The following NDE1 variants were observed in gnomAD, a reference collection of about 807,000 sequenced individuals.
The protein encoded by NDE1 is nudE neurodevelopment protein 1.
NDE1 carries 28 observed loss-of-function variants against 43.4 expected under a neutral mutation model. That is an observed-to-expected ratio of 0.65 (90% CI 0.48 to 0.89). The LOEUF is 0.89. Among genes scored for constraint, NDE1 ranks in the 40% least tolerant of loss-of-function variants. NDE1 has a pLI of 0.00. For missense variants in NDE1, 441 were observed against 434.1 expected, an observed-to-expected ratio of 1.02 and a Z score of -0.14; for synonymous variants, 184 against 172.0, an observed-to-expected ratio of 1.07 and a Z score of -0.55.
At chr16:15,722,423 C>A (rs2040536242) in intron 8 of NDE1, among the ~76,000 whole-genome samples, 1 of 152,126 alleles carries the variant, frequency 6.6e-6, no homozygotes, top group African/African-American at 2.4e-5. Flanking sequence ...GAGAACAGAG[C>A]AGATTATAAA....
At chr16:15,675,577 C>A (rs1172291467) in intron 3 of NDE1, among the ~76,000 whole-genome samples, 2 of 151,984 alleles carry the variant, frequency 1.3e-5, no homozygotes, top group African/African-American at 4.8e-5. Context: ...GCTAGGACTA[C>A]AGGTGCATGC....
At chr16:15,658,472 C>T (rs562536831) in intron 1 of NDE1, among the ~76,000 whole-genome samples, 13 of 152,168 alleles carry the variant, frequency 8.5e-5, no homozygotes, top group South Asian at 4.2e-4. Flanking sequence ...TCACTAAGGT[C>T]GTGAATAGGC....
At position 15,677,877 on chromosome 16, in the gene NDE1, C is replaced by A; in HGVS notation, c.314C>A (p.Ala105Asp). ...ALEDDLAQTKAIKDQLQKYIR... is the reference protein window; with the variant it reads ...ALEDDLAQTKDIKDQLQKYIR... ...GAGGATGACCTCGCGCAGACCAAAG[C>A]CATTAAAGACCAATTGCAGAAATAC... is the stretch of plus-strand genomic sequence containing the variant. Residue 105 changes from alanine to aspartate, a missense_variant, in exon 4 of 9, where the codon GCC (alanine) becomes GAC (aspartate). By Grantham distance (126) the Ala-to-Asp change is moderately radical. Coordinates refer to ENST00000396354, the MANE Select transcript of NDE1 (RefSeq NM_017668.3). The A allele has an allele frequency of 6.2e-7, 1 of 1,614,050 alleles. No homozygotes were observed. The highest frequency in any genetic ancestry group is 8.5e-7 in the Non-Finnish European group (1 of 1,180,010).
rs557243865 is a variant in NDE1 at position 15,702,391 on chromosome 16, G to GGGTGGT, written c.947+5542_947+5547dup. Among the ~76,000 whole-genome samples the GGGTGGT allele has an allele frequency of 6.0e-3, 911 of 152,238 alleles. 8 individuals are homozygous for GGGTGGT. The highest frequency in any genetic ancestry group is 0.021 in the African/African-American group (878 of 41,544). ...AGGCTAAAATACTATCTGGCTGGGT[G>GGGTGGT]GGTGGTGGTGGTGGTGTGAGAGACA... On this transcript the variant is annotated intron_variant, in intron 8 of 8. Coordinates refer to ENST00000396354, the MANE Select transcript of NDE1 (RefSeq NM_017668.3).
At chr16:15,718,498 C>T (rs1298688576) in intron 8 of NDE1, 17 of 1,533,430 alleles carry the variant, frequency 1.1e-5, no homozygotes, top group Non-Finnish European at 1.5e-5. Context: ...AAGATGCCCC[C>T]TCCTTGGAGT....
At chr16:15,664,684 G>A in intron 1 of NDE1, 52 bp from the exon 2 acceptor site, 3 of 990,238 alleles carry the variant, frequency 3.0e-6, no homozygotes, top group Non-Finnish European at 4.8e-6. Flanking sequence ...TGTTAAAGGG[G>A]ATCAGCTGTT....
At chr16:15,713,617 T>G (rs1214691457) in intron 8 of NDE1, 1 of 152,280 alleles carries the variant, frequency 6.6e-6, no homozygotes, top group African/African-American at 2.4e-5. Context: ...CACCTCAGCC[T>G]CCTGAGTAGC....
At chr16:15,643,686 G>GA (rs1423350271) in exon 1 of NDE1, 3 of 226,896 alleles carry the variant, frequency 1.3e-5, no homozygotes, top group Non-Finnish European at 2.6e-5. Context: ...GGCAAGTGGA[G>GA]AAAAAAATAA....
chr16:15,699,124 T>G (rs760853086), intron 8 of NDE1, among the ~76,000 whole-genome samples: 1 of 152,088 alleles, frequency 6.6e-6, no homozygotes, highest in Non-Finnish European at 1.5e-5. Flanking sequence ...GCTTTGAGTT[T>G]GAGAATACAC....
At position 15,715,003 on chromosome 16, in the gene NDE1, C is replaced by T. The variant is rs1363749589; in HGVS notation, c.948-9188C>T. The T allele has an allele frequency of 1.2e-5, 20 of 1,613,794 alleles. No individual in the cohort carries two copies. Among genetic ancestry groups the T allele is most frequent in the Admixed American group, 3.3e-5 (2 of 59,992 alleles). ...TCCCGCTGCAGCTTCCTGCGGTTGG[C>T]GTTGATGCGCTGGGACTCCTCCTCT... On this transcript the variant is annotated intron_variant, in intron 8 of 8. Transcript: ENST00000396354.
chr16:15,721,112 A>G, intron 8 of NDE1: 7 of 1,575,800 alleles, frequency 4.4e-6, no homozygotes, highest in Non-Finnish European at 6.1e-6. Flanking sequence ...CGATTGAGAA[A>G]CCCACCGTGA....
chr16:15,720,121 C>T (rs1438525098), intron 8 of NDE1: 3 of 1,614,008 alleles, frequency 1.9e-6, no homozygotes, highest in Non-Finnish European at 2.5e-6. Flanking sequence ...CCTCCCTCCA[C>T]CCATGCCCCA....
At chr16:15,668,350 C>G (rs144874218) in intron 3 of NDE1, among the ~76,000 whole-genome samples, 1,946 of 152,238 alleles carry the variant, frequency 0.013, 51 homozygotes, top group African/African-American at 0.045. Context: ...AGCGAGACTC[C>G]GTCTCAAAAA....
In NDE1 at chr16:15,696,627, G is replaced by A. The variant is rs2039026101; in HGVS notation, c.796-82G>A. ...CAACAGTTTGAGAACCACTGTCTGGGGTTCGTTCTTCTGTACAGGCTCTGG... is the reference window on the plus strand; with the variant it reads ...CAACAGTTTGAGAACCACTGTCTGGAGTTCGTTCTTCTGTACAGGCTCTGG... On this transcript the variant is annotated intron_variant, in intron 7 of 8. Coordinates refer to ENST00000396354, the MANE Select transcript of NDE1 (RefSeq NM_017668.3). 8.1e-6 allele frequency: 13 copies of A among 1,609,598 alleles called. No individual in the cohort carries two copies. In the Admixed American group the frequency reaches 2.2e-4, roughly 27 times the overall value.
At position 15,677,793 on chromosome 16, in the gene NDE1, T is replaced by C; in HGVS notation, c.238-8T>C. On this transcript the variant is annotated splice_region_variant and splice_polypyrimidine_tract_variant and intron_variant, in intron 3 of 8. Transcript: ENST00000396354. ...AGTCATTCACTCAGTGTCTGTGTTG[T>C]CCTTCAGGAGAAGTTTGAAGTGCAG... The C allele has an allele frequency of 1.9e-6, 3 of 1,614,098 alleles. No individual in the cohort carries two copies. Among genetic ancestry groups the C allele is most frequent in the Non-Finnish European group, 2.5e-6 (3 of 1,180,000 alleles).
intron 8 of NDE1, chr16:15,704,191 A>G (rs1297707181): frequency 1.3e-6 from 2 of 1,592,886 alleles, no homozygotes; most frequent in Admixed American, 3.4e-5. Flanking sequence ...TTTTTTATAA[A>G]TCTATTTTAA....
intron 5 of NDE1, among the ~76,000 whole-genome samples, 185 bp from the exon 6 acceptor site, chr16:15,690,959 T>C (rs565845890): frequency 3.0e-4 from 46 of 152,250 alleles, no homozygotes; most frequent in African/African-American, 1.1e-3. Context: ...AGGTGCCTAC[T>C]ACCATGCTGG....
chr16:15,673,441 G>A (rs529845438), intron 3 of NDE1, among the ~76,000 whole-genome samples: 1 of 152,150 alleles, frequency 6.6e-6, no homozygotes, highest in East Asian at 1.9e-4. Context: ...CTGACCTCAA[G>A]TGATCTGCCC....
intron 8 of NDE1, chr16:15,717,100 C>A (rs541160168): frequency 1.9e-6 from 3 of 1,599,346 alleles, no homozygotes; most frequent in Admixed American, 3.3e-5. Context: ...CTGTCCATCA[C>A]CCCCCTGCAA....
Sources: gnomAD v4.1 joint callset for allele counts (sites outside exome capture counted in the v4.1 genomes callset) on GRCh38, gnomAD v4.1.1 for gene constraint, MANE v1.5 for transcripts, NCBI Gene and HGNC (gene_info 2026-07-23, HGNC 2026-07-21) for gene names.